The following PRKCQ variants were observed in gnomAD, a reference collection of about 807,000 sequenced individuals.
The protein encoded by PRKCQ is protein kinase C theta.
Under a neutral mutation model 91.2 loss-of-function variants are expected in PRKCQ, and 41 were observed. The observed-to-expected ratio is 0.45, with a 90% confidence interval of 0.35 to 0.58. The LOEUF (loss-of-function observed/expected upper bound fraction) is 0.58. Ranked by LOEUF, PRKCQ falls within the 20% of genes least tolerant of loss-of-function variation. The pLI is 0.00. For missense variants in PRKCQ, 673 were observed against 896.5 expected (o/e 0.75, Z 3.18); for synonymous variants, 307 against 316.9 (o/e 0.97, Z 0.33).
intron 15 of PRKCQ, among the ~76,000 whole-genome samples, chr10:6,452,463 G>A (rs1475375246): frequency 6.6e-6 from 1 of 151,812 alleles, no homozygotes; most frequent in African/African-American, 2.4e-5. Context: ...CTCATGGGTA[G>A]GAAGAATCAA....
At chr10:6,448,462 G>A (rs998273307) in intron 15 of PRKCQ, among the ~76,000 whole-genome samples, 5 of 151,866 alleles carry the variant, frequency 3.3e-5, no homozygotes, top group Non-Finnish European at 5.9e-5. Context: ...AAGCTGGAGT[G>A]CAGTGGCACG....
At chr10:6,407,352 G>A in the PRKCQ span, among the ~76,000 whole-genome samples, 2 of 152,104 alleles carry the variant, frequency 1.3e-5, no homozygotes, top group Middle Eastern at 3.4e-3. This position sits in a 1 kb window ranked among gnomAD's most constrained non-coding sequence, Gnocchi z 4.0. Context: ...AGGAGGAGGC[G>A]TTCAAGTGAG....
At chr10:6,429,964 C>T (rs1349444523) in intron 17 of PRKCQ, among the ~76,000 whole-genome samples, 2 of 150,368 alleles carry the variant, frequency 1.3e-5, no homozygotes, top group African/African-American at 4.9e-5. Context: ...AGGCAATCCT[C>T]CCACCTCAGC....
At chr10:6,564,402 CCTT>C (rs1840759181) in intron 1 of PRKCQ, among the ~76,000 whole-genome samples, 1 of 152,154 alleles carries the variant, frequency 6.6e-6, no homozygotes, top group African/African-American at 2.4e-5. Context: ...TCCCACCTGT[CCTT>C]CTGCGATGCC....
chr10:6,502,700 A>G (rs532590625), intron 4 of PRKCQ, among the ~76,000 whole-genome samples: 60 of 152,332 alleles, frequency 3.9e-4, no homozygotes, highest in Non-Finnish European at 1.5e-5. Context: ...GATGAAATGG[A>G]AAAAATATTG....
At chr10:6,505,477 C>T (rs921068925) in intron 4 of PRKCQ, among the ~76,000 whole-genome samples, 50 of 149,560 alleles carry the variant, frequency 3.3e-4, no homozygotes, top group Non-Finnish European at 5.4e-4. Context: ...TTTTCTCCTT[C>T]CTTCCTTCCT....
intron 15 of PRKCQ, among the ~76,000 whole-genome samples, chr10:6,455,663 G>A (rs950708449): frequency 1.3e-5 from 2 of 152,214 alleles, no homozygotes; most frequent in African/African-American, 4.8e-5. Flanking sequence ...GTCCTTAGAT[G>A]TAAAAGTGAA....
At chr10:6,517,561 G>GAAAA (rs941559001) in intron 1 of PRKCQ, among the ~76,000 whole-genome samples, 1 of 113,566 alleles carries the variant, frequency 8.8e-6, no homozygotes, top group African/African-American at 3.5e-5. Flanking sequence ...CTACATGCCA[G>GAAAA]AAAAAAATGC....
chr10:6,561,585 A>G (rs1840636016), intron 1 of PRKCQ, among the ~76,000 whole-genome samples: 1 of 152,250 alleles, frequency 6.6e-6, no homozygotes, highest in African/African-American at 2.4e-5. Context: ...TTAAAAAGTT[A>G]CAAAGGCCTA....
chr10:6,521,397 C>T (rs1838997384), intron 1 of PRKCQ, among the ~76,000 whole-genome samples: 1 of 152,168 alleles, frequency 6.6e-6, no homozygotes, highest in Admixed American at 6.5e-5. Context: ...TTGTTGTAAA[C>T]AAAAGATCGA....
rs1838692335 is a variant in PRKCQ, at chr10:6,515,128, G to A, written c.8C>T (p.Pro3Leu). The change falls in exon 2 of 18, where the codon CCA becomes CTA. Residue 3 changes from proline to leucine, a missense_variant. Transcript: ENST00000263125. MSPFLRIGLSNFD... is the reference protein window; with the variant it reads MSLFLRIGLSNFD... ...GTTGGACAAGCCAATCCGAAGAAAT[G>A]GCGACATGGTTGCGCCCTGGAAAAA... 7.4e-6 allele frequency: 12 copies of A among 1,613,484 alleles called. No homozygotes were observed. The highest frequency in any genetic ancestry group is 1.0e-5 in the Non-Finnish European group (12 of 1,179,886).
the PRKCQ span, among the ~76,000 whole-genome samples, chr10:6,421,347 T>C: frequency 6.6e-6 from 1 of 152,040 alleles, no homozygotes; most frequent in African/African-American, 2.4e-5. This position sits in a 1 kb window ranked among gnomAD's most constrained non-coding sequence, Gnocchi z 4.1. Context: ...TAATCAGGCA[T>C]GGTGGTGCAC....
At chr10:6,395,093 C>T in the PRKCQ span, among the ~76,000 whole-genome samples, 1,520 of 130,988 alleles carry the variant, frequency 0.012, 37 homozygotes, top group African/African-American at 0.041. Context: ...GACGGAGTCT[C>T]GCTCTGTCTC....
chr10:6,515,387 G>A (rs1169097546), intron 1 of PRKCQ: 19 of 985,270 alleles, frequency 1.9e-5, no homozygotes, highest in Non-Finnish European at 2.2e-5. Context: ...CCTTGCTTTT[G>A]AGAAGTAACT....
At chr10:6,526,940 G>A (rs1839220406) in intron 1 of PRKCQ, among the ~76,000 whole-genome samples, 1 of 152,184 alleles carries the variant, frequency 6.6e-6, no homozygotes, top group Admixed American at 6.5e-5. Flanking sequence ...ACCAGCAGAA[G>A]GACCCTGGCA....
chr10:6,562,320 C>T (rs1840666059), intron 1 of PRKCQ, among the ~76,000 whole-genome samples: 1 of 152,164 alleles, frequency 6.6e-6, no homozygotes, highest in South Asian at 2.1e-4. Context: ...TCCGGAGTTC[C>T]ATGCGGTTTT....
At chr10:6,416,819 A>G in the PRKCQ span, among the ~76,000 whole-genome samples, 1 of 152,206 alleles carries the variant, frequency 6.6e-6, no homozygotes, top group African/African-American at 2.4e-5. Context: ...GTACTAGTTT[A>G]CATTCCCACC....
At chr10:6,494,172 A>G (rs1240749079) in intron 7 of PRKCQ, among the ~76,000 whole-genome samples, 1 of 152,156 alleles carries the variant, frequency 6.6e-6, no homozygotes, top group Non-Finnish European at 1.5e-5. Context: ...GCCCATCACC[A>G]AAGCTCCACA....
At chr10:6,448,193 C>G (rs1189149767) in intron 15 of PRKCQ, among the ~76,000 whole-genome samples, 1 of 152,124 alleles carries the variant, frequency 6.6e-6, no homozygotes, top group Non-Finnish European at 1.5e-5. Flanking sequence ...GCTGCTCCAG[C>G]CTGTGAGTGG....
Sources: allele counts gnomAD v4.1 joint callset (sites outside exome capture counted in the v4.1 genomes callset), GRCh38; gene constraint gnomAD v4.1.1; non-coding constraint Gnocchi (gnomAD v3.1); transcripts MANE v1.5; gene names NCBI Gene and HGNC (gene_info 2026-07-23, HGNC 2026-07-21).